Variants in MFHAS1 observed in about 807,000 individuals in gnomAD.
MFHAS1 encodes the protein malignant fibrous histiocytoma-amplified sequence 1.
A neutral mutation model predicts 70.4 loss-of-function variants in MFHAS1; 50 were observed. That is an observed-to-expected ratio of 0.71 (90% confidence interval 0.57 to 0.90). The LOEUF (loss-of-function observed/expected upper bound fraction) is 0.90, where lower values mean the gene tolerates loss of function less well. Among genes scored for constraint, MFHAS1 ranks in the 40% least tolerant of loss-of-function variants. MFHAS1 has a pLI of 0.00. For missense variants in MFHAS1, 1,795 were observed against 1,347.6 expected (o/e 1.33, Z -5.20); for synonymous variants, 952 against 620.0 (o/e 1.54, Z -7.96).
In MFHAS1 at chr8:8,880,745, C is replaced by T. The variant is rs113181241; in HGVS notation, c.2998+9316G>A. The stretch of plus-strand genomic sequence containing the variant: ...TGTCGCCCAGGTTGGAGTATAGCGG[C>T]GCAATCTCAGCTCACTGCAACCTCC... On this transcript the variant is annotated intron_variant, in intron 1 of 2. Coordinates refer to ENST00000276282, the MANE Select transcript of MFHAS1 (RefSeq NM_004225.3). 1.3e-3 allele frequency among the ~76,000 whole-genome samples: 190 copies of T among 151,146 alleles called. 2 individuals are homozygous for T. The highest frequency in any genetic ancestry group is 4.3e-3 in the African/African-American group (175 of 41,028).
In MFHAS1 at chr8:8,892,309, G is replaced by C. The variant is rs760641849; in HGVS notation, c.750C>G (p.Ala250=). 3 of 1,612,428 alleles carry C rather than the reference G, an allele frequency of 1.9e-6. No homozygotes were observed. Among genetic ancestry groups the C allele is most frequent in the Admixed American group, 3.3e-5 (2 of 60,008 alleles). ...TGTCTAGCATGAGGCTCTCCAAACT[G>C]GCCAGCTCGCAGAAGCCGGCGGGCA... ...GTLPAGFCEL[A]SLESLMLDNN... is the part of the protein sequence containing the mutation. Residue 250 remains alanine (A), a synonymous_variant, in exon 1 of 3, where the codon GCC becomes GCG. Transcript: ENST00000276282. This position sits in a 1 kb window ranked among gnomAD's most constrained non-coding sequence, Gnocchi z 4.7.
At chr8:8,879,355 A>G (rs1372980211) in intron 1 of MFHAS1, among the ~76,000 whole-genome samples, 1 of 152,122 alleles carries the variant, frequency 6.6e-6, no homozygotes, top group African/African-American at 2.4e-5. Context: ...CCATCTCAAA[A>G]AAAAAAGGTA....
At chr8:8,839,851 G>A (rs1807737674) in intron 1 of MFHAS1, among the ~76,000 whole-genome samples, 1 of 152,144 alleles carries the variant, frequency 6.6e-6, no homozygotes, top group African/African-American at 2.4e-5. Flanking sequence ...TAGTATTACA[G>A]TGGAAGATCC....
chr8:8,809,914 T>C (rs139540446), intron 1 of MFHAS1, among the ~76,000 whole-genome samples: 54 of 152,332 alleles, frequency 3.5e-4, no homozygotes, highest in Non-Finnish European at 7.5e-4. Flanking sequence ...CATAAAAGCA[T>C]TCAGACGACA....
chr8:8,839,347 GCTAT>G (rs1436821727), intron 1 of MFHAS1, among the ~76,000 whole-genome samples: 4 of 152,224 alleles, frequency 2.6e-5, no homozygotes, highest in African/African-American at 7.2e-5. Context: ...AAGAAAATGT[GCTAT>G]CTATGTAAAA....
At chr8:8,880,641 G>A (rs1228084274) in intron 1 of MFHAS1, among the ~76,000 whole-genome samples, 1 of 151,716 alleles carries the variant, frequency 6.6e-6, no homozygotes, top group African/African-American at 2.4e-5. Context: ...TAGGCTGGGT[G>A]CTGGGGGCTG....
intron 1 of MFHAS1, among the ~76,000 whole-genome samples, chr8:8,832,927 T>C (rs1444396621): frequency 3.3e-5 from 5 of 152,096 alleles, no homozygotes; most frequent in African/African-American, 1.2e-4. Flanking sequence ...TGAGACCGGG[T>C]AATTTATAAA....
At chr8:8,813,684 C>G (rs1046793963) in intron 1 of MFHAS1, among the ~76,000 whole-genome samples, 2 of 152,036 alleles carry the variant, frequency 1.3e-5, no homozygotes, top group African/African-American at 4.8e-5. Context: ...CTAAGTGTTA[C>G]TGTAAGAATC....
chr8:8,807,419 C>G (rs1806335376), intron 1 of MFHAS1, among the ~76,000 whole-genome samples: 1 of 152,086 alleles, frequency 6.6e-6, no homozygotes, highest in Non-Finnish European at 1.5e-5. Context: ...CACTTACTGC[C>G]TCTCAAAAGA....
intron 1 of MFHAS1, among the ~76,000 whole-genome samples, chr8:8,823,811 T>A (rs1031821306): frequency 7.0e-6 from 1 of 143,724 alleles, no homozygotes; most frequent in African/African-American, 2.6e-5. Context: ...TAGTGGGGGC[T>A]GAGAAAAGAA....
At chr8:8,886,578 C>T (rs1809760988) in intron 1 of MFHAS1, among the ~76,000 whole-genome samples, 1 of 152,048 alleles carries the variant, frequency 6.6e-6, no homozygotes, top group South Asian at 2.1e-4. Flanking sequence ...AGGACAAGGC[C>T]AAAATAGGCT....
intron 1 of MFHAS1, among the ~76,000 whole-genome samples, chr8:8,854,772 GTT>G (rs1808372549): frequency 2.0e-5 from 3 of 151,968 alleles, no homozygotes; most frequent in African/African-American, 7.3e-5. Flanking sequence ...AAAATTATTC[GTT>G]GCTTACGTGA....
rs1178509042 is a variant in MFHAS1, at chr8:8,893,619, T to C, written c.-561A>G. The C allele has an allele frequency of 1.4e-5, 2 of 145,590 alleles. No homozygotes were observed. The highest frequency in any genetic ancestry group is 2.1e-4 in the South Asian group (1 of 4,738). 9.0% of individuals were successfully genotyped at this position (145,590 alleles called of 1,614,324 possible). A position where few individuals can be genotyped will look rare whatever the true frequency, so the allele number is the denominator to read the frequency against. Reference sequence around the variant, plus strand: ...CGTCCCCGGCGCTGGGAGGGCGCGATTGGGAAGCGGCAGCGCCGCCCGCCG... The same window carrying C: ...CGTCCCCGGCGCTGGGAGGGCGCGACTGGGAAGCGGCAGCGCCGCCCGCCG... On this transcript the variant is annotated 5_prime_UTR_variant, in exon 1 of 3. Coordinates refer to ENST00000276282, the MANE Select transcript of MFHAS1 (RefSeq NM_004225.3).
At chr8:8,859,754 G>A (rs1471545315) in intron 1 of MFHAS1, among the ~76,000 whole-genome samples, 10 of 152,112 alleles carry the variant, frequency 6.6e-5, no homozygotes, top group Non-Finnish European at 2.9e-5. Context: ...ATGTGCTATT[G>A]ACTGTTAATG....
chr8:8,884,581 G>T (rs915734599), intron 1 of MFHAS1, among the ~76,000 whole-genome samples: 2 of 152,168 alleles, frequency 1.3e-5, no homozygotes, highest in Non-Finnish European at 1.5e-5. Flanking sequence ...ACACTGTGAG[G>T]GGGAGGGAGT....
At chr8:8,856,353 C>T (rs780616834) in intron 1 of MFHAS1, among the ~76,000 whole-genome samples, 47 of 152,184 alleles carry the variant, frequency 3.1e-4, no homozygotes, top group Non-Finnish European at 6.3e-4. Context: ...GGCACAGAAA[C>T]AGCACTTGCC....
chr8:8,797,881 A>AT (rs1272719336), intron 1 of MFHAS1, among the ~76,000 whole-genome samples: 1 of 152,128 alleles, frequency 6.6e-6, no homozygotes, highest in Non-Finnish European at 1.5e-5. Flanking sequence ...CATAATTAGG[A>AT]TTTGGGGCAG....
chr8:8,877,973 T>C (rs989051975), intron 1 of MFHAS1, among the ~76,000 whole-genome samples: 5 of 152,186 alleles, frequency 3.3e-5, no homozygotes, highest in African/African-American at 9.7e-5. Flanking sequence ...CCCTGCCTTT[T>C]AAATGGCATT....
chr8:8,845,708 T>C (rs1271235301), intron 1 of MFHAS1, among the ~76,000 whole-genome samples: 3 of 152,162 alleles, frequency 2.0e-5, no homozygotes, highest in African/African-American at 7.2e-5. Context: ...CTTATCCCTA[T>C]AGAAAAGCAT....
Sources: allele counts gnomAD v4.1 joint callset (sites outside exome capture counted in the v4.1 genomes callset), GRCh38; gene constraint gnomAD v4.1.1; non-coding constraint Gnocchi (gnomAD v3.1); transcripts MANE v1.5; gene names NCBI Gene and HGNC (gene_info 2026-07-23, HGNC 2026-07-21).